Variants in OPA3 observed in about 807,000 individuals in gnomAD.
The protein encoded by OPA3 is optic atrophy 3 protein.
A neutral mutation model predicts 4.0 loss-of-function variants in OPA3; 6 were observed. The observed-to-expected ratio is 1.51, with a 90% CI of 0.83 to 2.99. The LOEUF (loss-of-function observed/expected upper bound fraction) is 2.99. Ranked by LOEUF, OPA3 falls within the 30% of genes most tolerant of loss-of-function variation. OPA3 has a pLI of 0.00. For synonymous variants in OPA3, 105 were observed against 117.1 expected (o/e 0.90, Z 0.67); for missense variants, 235 against 256.2 (o/e 0.92, Z 0.56).
Position 45,549,226 on chromosome 19 carries a change from C to T in OPA3, c.*4288G>A. ...GTACACAGAATTCTAGCTAGCAGAA[C>T]ACACGAGCAGTGAACCATCCTCTGG... On this transcript the variant is annotated 3_prime_UTR_variant, in exon 2 of 2. Coordinates refer to ENST00000263275, the MANE Select transcript of OPA3 (RefSeq NM_025136.4). The T allele has an allele frequency of 1.0e-6, 1 of 985,406 alleles. No homozygotes were observed. The highest frequency in any genetic ancestry group is 1.2e-6 in the Non-Finnish European group (1 of 829,932). 61.0% of individuals were successfully genotyped at this position (985,406 alleles called of 1,614,324 possible). A position where few individuals can be genotyped will look rare whatever the true frequency, so the allele number is the denominator to read the frequency against.
chr19:45,560,529 G>A (rs1969487506), intron 1 of OPA3, among the ~76,000 whole-genome samples: 1 of 151,948 alleles, frequency 6.6e-6, no homozygotes, highest in African/African-American at 2.4e-5. Context: ...TGATGCTTTT[G>A]GTGTTATCTG....
intron 1 of OPA3, among the ~76,000 whole-genome samples, chr19:45,556,288 T>G (rs564657981): frequency 2.6e-5 from 4 of 152,036 alleles, no homozygotes; most frequent in Non-Finnish European, 5.9e-5. Context: ...GGACAACAGG[T>G]GCATGCCACC....
chr19:45,533,743 G>A (rs992705590), intron 1 of OPA3, among the ~76,000 whole-genome samples: 1 of 152,168 alleles, frequency 6.6e-6, no homozygotes, highest in Admixed American at 6.5e-5. Flanking sequence ...GGGCCCTCTT[G>A]GTGGCCCTGG....
Position 45,551,970 on chromosome 19 carries a change from G to T in OPA3, c.*1544C>A, listed in dbSNP as rs982606047. The T allele has an allele frequency of 1.0e-6, 1 of 985,518 alleles. No homozygotes were observed. Among genetic ancestry groups the T allele is most frequent in the Non-Finnish European group, 1.2e-6 (1 of 830,028 alleles). The allele number at this position is 985,518 out of a possible 1,614,324, so 61.0% of individuals were successfully genotyped here. A position where few individuals can be genotyped will look rare whatever the true frequency, so the allele number is the denominator to read the frequency against. ...ACATGCCACACAGTACAAGCTCCAG[G>T]GACTCTGAGGACAGGAAAATAGGGG... On this transcript the variant is annotated 3_prime_UTR_variant, in exon 2 of 2. Transcript: ENST00000263275.
intron 1 of OPA3, among the ~76,000 whole-genome samples, chr19:45,555,414 C>T (rs1192156378): frequency 6.6e-6 from 1 of 152,094 alleles, no homozygotes; most frequent in Non-Finnish European, 1.5e-5. Flanking sequence ...TGGCTCACTG[C>T]AGCCTCGACC....
At position 45,572,353 on chromosome 19, in the gene OPA3, CAT is replaced by C. The variant is rs1214953451; in HGVS notation, c.142+12268_142+12269del. ...TCGATATATATCTCATATATATCGA[CAT>C]ATATGAGATATATATCGATATATAT... On this transcript the variant is annotated intron_variant, in intron 1 of 1. Coordinates refer to ENST00000263275, the MANE Select transcript of OPA3 (RefSeq NM_025136.4). 1.6e-4 allele frequency among the ~76,000 whole-genome samples: 20 copies of C among 128,642 alleles called. 1 individual carries two copies. Among genetic ancestry groups the C allele is most frequent in the South Asian group, 7.2e-4 (3 of 4,158 alleles). 84.4% of individuals were successfully genotyped at this position (128,642 alleles called of 152,430 possible). A position where few individuals can be genotyped will look rare whatever the true frequency, so the allele number is the denominator to read the frequency against.
chr19:45,570,253 G>A (rs1969641669), intron 1 of OPA3, among the ~76,000 whole-genome samples: 1 of 152,170 alleles, frequency 6.6e-6, no homozygotes, highest in Non-Finnish European at 1.5e-5. Flanking sequence ...GCAAATTCCA[G>A]CAAATGCCTC....
intron 1 of OPA3, among the ~76,000 whole-genome samples, chr19:45,579,334 C>A (rs1969812583): frequency 6.6e-6 from 1 of 152,126 alleles, no homozygotes. Flanking sequence ...GATTCTCCTG[C>A]CTAAGCCTCC....
rs115566341 is a variant in OPA3, at chr19:45,551,045, C to T, written c.*2469G>A. 3.5e-3 allele frequency: 2,602 copies of T among 745,616 alleles called. 41 individuals are homozygous for T. The African/African-American group carries it at 0.038, about 11-fold the overall frequency. The allele number at this position is 745,616 out of a possible 1,614,324, so 46.2% of individuals were successfully genotyped here. Reference sequence around the variant, plus strand: ...GCGCGATCACGGCTCGCTGCAGCCTCGACCTCCAGGGCTCAGGTGATCCTC... The same window carrying T: ...GCGCGATCACGGCTCGCTGCAGCCTTGACCTCCAGGGCTCAGGTGATCCTC... On this transcript the variant is annotated 3_prime_UTR_variant, in exon 2 of 2. Transcript: ENST00000263275.
intron 1 of OPA3, among the ~76,000 whole-genome samples, chr19:45,576,542 C>G (rs559216431): frequency 3.5e-5 from 5 of 144,562 alleles, no homozygotes; most frequent in African/African-American, 5.4e-5. Context: ...CCATCCCCCC[C>G]CCCCCAAAAA....
chr19:45,583,156 T>A (rs983983666), intron 1 of OPA3, among the ~76,000 whole-genome samples: 71 of 144,532 alleles, frequency 4.9e-4, no homozygotes, highest in African/African-American at 1.7e-3. Context: ...ACAGATCACC[T>A]TTTTTTTTTT....
Position 45,553,418 on chromosome 19 carries a change from G to C in OPA3, c.*96C>G. ...GCCAAGTTGCATCAAGATCCTGGTG[G>C]TTTCCACTGGGCCAGCGCAGGCAAG... On this transcript the variant is annotated 3_prime_UTR_variant, in exon 2 of 2. Transcript: ENST00000263275. 6.3e-7 allele frequency: 1 copy of C among 1,597,912 alleles called. No individual in the cohort carries two copies. Among genetic ancestry groups the C allele is most frequent in the Non-Finnish European group, 8.5e-7 (1 of 1,178,510 alleles).
chr19:45,581,311 GA>G (rs981177422), intron 1 of OPA3, among the ~76,000 whole-genome samples: 23 of 152,056 alleles, frequency 1.5e-4, no homozygotes, highest in Admixed American at 3.3e-4. Context: ...TACAGAGGGG[GA>G]AAAAAAGTGC....
At chr19:45,564,200 G>A (rs895661053) in intron 1 of OPA3, among the ~76,000 whole-genome samples, 1 of 151,898 alleles carries the variant, frequency 6.6e-6, no homozygotes, top group Non-Finnish European at 1.5e-5. Context: ...GCGACTAGGC[G>A]GAAGGGGAGG....
At chr19:45,538,817 G>A (rs1181291798) in intron 1 of OPA3, among the ~76,000 whole-genome samples, 1 of 152,134 alleles carries the variant, frequency 6.6e-6, no homozygotes, top group African/African-American at 2.4e-5. Flanking sequence ...CCACTGGAAT[G>A]GCTATAGTCA....
intron 1 of OPA3, among the ~76,000 whole-genome samples, chr19:45,554,348 G>T (rs1301196409): frequency 6.6e-6 from 1 of 152,218 alleles, no homozygotes; most frequent in African/African-American, 2.4e-5. Flanking sequence ...CCAAAGGGCA[G>T]CTTAAGGTGG....
chr19:45,543,519 G>A (rs192087259), downstream of OPA3, among the ~76,000 whole-genome samples: 50 of 151,984 alleles, frequency 3.3e-4, no homozygotes, highest in African/African-American at 1.1e-3. Context: ...GTTTCACCAC[G>A]TTGGTCAGGC....
chr19:45,537,219 C>T (rs902569144), intron 1 of OPA3, among the ~76,000 whole-genome samples: 1 of 151,634 alleles, frequency 6.6e-6, no homozygotes, highest in Non-Finnish European at 1.5e-5. Flanking sequence ...AATGGAGTCT[C>T]GCTCTGTCGC....
chr19:45,578,007 T>A (rs1049507927), intron 1 of OPA3, among the ~76,000 whole-genome samples: 1 of 152,190 alleles, frequency 6.6e-6, no homozygotes, highest in Non-Finnish European at 1.5e-5. Context: ...ATCCTGAAAC[T>A]GCCTTTGCAA....
Sources: allele counts gnomAD v4.1 joint callset (sites outside exome capture counted in the v4.1 genomes callset), GRCh38; gene constraint gnomAD v4.1.1; transcripts MANE v1.5; gene names NCBI Gene and HGNC (gene_info 2026-07-23, HGNC 2026-07-21).